Variants in LGR4 observed in about 807,000 individuals in gnomAD.
LGR4 encodes leucine rich repeat containing G protein-coupled receptor 4.
LGR4 carries 44 observed loss-of-function variants against 84.8 expected under a neutral mutation model. The observed-to-expected ratio is 0.52, with a 90% CI of 0.41 to 0.67. LGR4 has a LOEUF of 0.67. Ranked by LOEUF, LGR4 falls within the 30% of genes least tolerant of loss-of-function variation. The pLI, the probability that LGR4 is intolerant of heterozygous loss-of-function variation, is 0.00. For synonymous variants in LGR4, 429 were observed against 434.3 expected (o/e 0.99, Z 0.15); for missense variants, 1,032 against 1,131.4 (o/e 0.91, Z 1.26).
chr11:27,393,245 G>A (rs1165453098), intron 2 of LGR4, among the ~76,000 whole-genome samples: 8 of 152,072 alleles, frequency 5.3e-5, no homozygotes, highest in Admixed American at 3.9e-4. Flanking sequence ...TTGAACAGAG[G>A]ATATTAGGGA....
At chr11:27,384,704 T>A (rs929643230) in intron 5 of LGR4, among the ~76,000 whole-genome samples, 10 of 152,308 alleles carry the variant, frequency 6.6e-5, no homozygotes, top group African/African-American at 2.4e-4. Context: ...CAAAATAAAG[T>A]TTTGATTAGC....
At position 27,366,176 on chromosome 11, in the gene LGR4, A is replaced by G. The variant is rs1335019718; in HGVS notation, c.*1691T>C. On this transcript the variant is annotated 3_prime_UTR_variant, in exon 18 of 18. Transcript: ENST00000379214. ...ATATTTATCAGATGTGTAAATATACATGATAGCAATTTTTAAAACTTGTAA... is the reference window on the plus strand; with the variant it reads ...ATATTTATCAGATGTGTAAATATACGTGATAGCAATTTTTAAAACTTGTAA... 6.6e-6 allele frequency: 1 copy of G among 152,606 alleles called. No homozygotes were observed. The highest frequency in any genetic ancestry group is 1.5e-5 in the Non-Finnish European group (1 of 67,986). The allele number at this position is 152,606 out of a possible 1,614,324, so 9.5% of individuals were successfully genotyped here.
chr11:27,403,516 G>A (rs1863544449), intron 2 of LGR4, among the ~76,000 whole-genome samples: 1 of 152,156 alleles, frequency 6.6e-6, no homozygotes, highest in Admixed American at 6.6e-5. Context: ...CATAAAATGT[G>A]AATCATCCAA....
At chr11:27,390,864 C>G (rs1481873633) in intron 4 of LGR4, among the ~76,000 whole-genome samples, 2 of 152,252 alleles carry the variant, frequency 1.3e-5, no homozygotes, top group African/African-American at 2.4e-5. Flanking sequence ...GAAGTACACC[C>G]AGCAGTGAAT....
chr11:27,417,759 G>A (rs1437731588), intron 1 of LGR4, among the ~76,000 whole-genome samples: 1 of 151,766 alleles, frequency 6.6e-6, no homozygotes, highest in Non-Finnish European at 1.5e-5. Context: ...TTCTATGTAT[G>A]GTATATATTT....
intron 2 of LGR4, among the ~76,000 whole-genome samples, chr11:27,394,602 C>G (rs1277697839): frequency 6.6e-6 from 1 of 152,026 alleles, no homozygotes; most frequent in Admixed American, 6.6e-5. Context: ...GGGGTTTCAC[C>G]ATGTTGGCCA....
In LGR4 at chr11:27,457,971, A is replaced by T. The variant is rs78096228; in HGVS notation, c.185+14147T>A. On this transcript the variant is annotated intron_variant, in intron 1 of 17. Coordinates refer to ENST00000379214, the MANE Select transcript of LGR4 (RefSeq NM_018490.5). ...GCAAGACCCCATCTCTGCAAAAATT[A>T]AAAAAAAAATTAGCCAGGCATGGTG... 2.7e-5 allele frequency among the ~76,000 whole-genome samples: 4 copies of T among 149,764 alleles called. No homozygotes were observed. The East Asian group carries it at 5.9e-4, about 22-fold the overall frequency.
Position 27,368,684 on chromosome 11 carries a change from G to A in LGR4, c.2039C>T (p.Pro680Leu), listed in dbSNP as rs776857032. ...AGAATATTCCCCTCTATGGAAAAGG[G>A]GAAAACAGCCTGCTACTGTAGCACC... is the stretch of plus-strand genomic sequence containing the variant. ...FLGATVAGCF[P>L]LFHRGEYSAS... is the part of the protein sequence containing the mutation. Residue 680 changes from proline (P) to leucine (L), a missense_variant, in exon 18 of 18, where the codon CCC becomes CTC. Pro to Leu is a moderately conservative substitution (Grantham distance 98). Transcript: ENST00000379214. 5.6e-6 allele frequency: 9 copies of A among 1,613,894 alleles called. No individual in the cohort carries two copies. Among genetic ancestry groups the A allele is most frequent in the Non-Finnish European group, 7.6e-6 (9 of 1,179,942 alleles).
At chr11:27,382,982 A>T (rs1391810786) in intron 6 of LGR4, among the ~76,000 whole-genome samples, 1 of 152,156 alleles carries the variant, frequency 6.6e-6, no homozygotes, top group Non-Finnish European at 1.5e-5. Flanking sequence ...ATGCCACTGC[A>T]CTCCAGCCTG....
intron 1 of LGR4, among the ~76,000 whole-genome samples, chr11:27,456,461 C>A (rs1050052128): frequency 1.3e-5 from 2 of 152,184 alleles, no homozygotes; most frequent in Non-Finnish European, 2.9e-5. Context: ...ACAGGAGAGG[C>A]AGGAAATTCC....
chr11:27,412,899 G>GT (rs750178325), intron 1 of LGR4, 39 bp from the exon 2 acceptor site: 1 of 1,323,154 alleles, frequency 7.6e-7, no homozygotes, highest in Non-Finnish European at 1.1e-6. Context: ...TAATTAAGTG[G>GT]TATGAAGCTT....
intron 1 of LGR4, among the ~76,000 whole-genome samples, chr11:27,429,893 G>A (rs1210570519): frequency 1.3e-5 from 2 of 152,116 alleles, no homozygotes; most frequent in Non-Finnish European, 2.9e-5. Context: ...GACAGGAAGA[G>A]GGGGGACCTC....
chr11:27,380,430 T>C, intron 9 of LGR4, 91 bp from the exon 10 acceptor site: 1 of 925,448 alleles, frequency 1.1e-6, no homozygotes, highest in Non-Finnish European at 1.7e-6. Context: ...CAACTATAAC[T>C]AAAAATAAAA....
At position 27,373,658 on chromosome 11, in the gene LGR4, T is replaced by C; in HGVS notation, c.1272A>G (p.Glu424=). Residue 424 remains glutamate, a synonymous_variant, in exon 15 of 18, where the codon GAA becomes GAG. Coordinates refer to ENST00000379214, the MANE Select transcript of LGR4 (RefSeq NM_018490.5). ...GGCCTTCCGTAGGAAAGGAAGTTAA[T>C]TCATTGAAACTTACATCTCTAAAAT... ...PITNLDVSFN[E]LTSFPTEGLN... 2 of 1,580,628 alleles carry C rather than the reference T, an allele frequency of 1.3e-6. No homozygotes were observed. Among genetic ancestry groups the C allele is most frequent in the Non-Finnish European group, 8.6e-7 (1 of 1,162,328 alleles).
At chr11:27,430,560 C>T (rs1286898899) in intron 1 of LGR4, among the ~76,000 whole-genome samples, 5 of 152,178 alleles carry the variant, frequency 3.3e-5, no homozygotes, top group African/African-American at 1.2e-4. Context: ...CCATTATGAG[C>T]ATCCCCAGGC....
intron 10 of LGR4, 148 bp downstream of exon 10, chr11:27,380,123 A>AAT (rs1863062179): frequency 1.9e-6 from 1 of 515,782 alleles, no homozygotes; most frequent in South Asian, 4.1e-5. Flanking sequence ...CCCCATACCC[A>AAT]ATATATTCTT....
At chr11:27,376,938 TC>T (rs776333954) in intron 12 of LGR4, among the ~76,000 whole-genome samples, 1 of 151,640 alleles carries the variant, frequency 6.6e-6, no homozygotes, top group Non-Finnish European at 1.5e-5. Flanking sequence ...AACTTCCAAC[TC>T]CCCCCCGCAT....
At chr11:27,446,953 C>T (rs1864401034) in intron 1 of LGR4, among the ~76,000 whole-genome samples, 1 of 151,324 alleles carries the variant, frequency 6.6e-6, no homozygotes, top group Non-Finnish European at 1.5e-5. Flanking sequence ...CCAAACACCG[C>T]ATGTTCTCAC....
chr11:27,425,594 A>G (rs1864009273), intron 1 of LGR4, among the ~76,000 whole-genome samples: 1 of 152,124 alleles, frequency 6.6e-6, no homozygotes, highest in African/African-American at 2.4e-5. Flanking sequence ...AAGTGCTGGG[A>G]TTATAGGAAG....
Sources: allele counts gnomAD v4.1 joint callset (sites outside exome capture counted in the v4.1 genomes callset), GRCh38; gene constraint gnomAD v4.1.1; transcripts MANE v1.5; gene names NCBI Gene and HGNC (gene_info 2026-07-23, HGNC 2026-07-21).